Variants in GABBR2 observed in about 807,000 individuals in gnomAD.
The protein encoded by GABBR2 is G-protein coupled receptor 51.
GABBR2 carries 23 observed loss-of-function variants against 105.6 expected under a neutral mutation model. The observed-to-expected ratio is 0.22, with a 90% CI of 0.16 to 0.31. The LOEUF is 0.31. Ranked by LOEUF, GABBR2 falls within the 10% of genes least tolerant of loss-of-function variation. GABBR2 has a pLI of 1.00. For missense variants in GABBR2, 734 were observed against 1,245.5 expected (o/e 0.59, Z 6.18); for synonymous variants, 478 against 499.7 (o/e 0.96, Z 0.58).
intron 13 of GABBR2, among the ~76,000 whole-genome samples, chr9:98,314,129 G>A (rs560944780): frequency 1.3e-5 from 2 of 152,306 alleles, no homozygotes; most frequent in East Asian, 3.9e-4. Context: ...AGGCTCTGCA[G>A]TAAGAAACAC....
intron 7 of GABBR2, among the ~76,000 whole-genome samples, chr9:98,441,152 G>T (rs1826024368): frequency 6.6e-6 from 1 of 152,074 alleles, no homozygotes; most frequent in Admixed American, 6.5e-5. Flanking sequence ...CTTTTGCTGG[G>T]CTAATAACTA....
At chr9:98,544,339 C>T (rs2808523) in intron 2 of GABBR2, among the ~76,000 whole-genome samples, 61,324 of 151,970 alleles carry the variant, frequency 0.4, 13,229 homozygotes, top group East Asian at 0.65. Flanking sequence ...GGGTAGACAG[C>T]CACTCTCTAG....
intron 1 of GABBR2, among the ~76,000 whole-genome samples, chr9:98,610,811 C>T (rs1829494316): frequency 6.6e-6 from 1 of 152,122 alleles, no homozygotes; most frequent in Non-Finnish European, 1.5e-5. Context: ...TGTTTTCAGC[C>T]ACCCTGTTTG....
intron 3 of GABBR2, among the ~76,000 whole-genome samples, chr9:98,515,558 T>A (rs1255188124): frequency 2.6e-5 from 4 of 152,096 alleles, no homozygotes; most frequent in Non-Finnish European, 4.4e-5. Context: ...CTGGCTCCCT[T>A]CTTCTAGGGC....
chr9:98,595,938 A>G (rs1829228568), intron 1 of GABBR2, among the ~76,000 whole-genome samples: 1 of 152,114 alleles, frequency 6.6e-6, no homozygotes, highest in East Asian at 1.9e-4. Context: ...TTCTGCCATG[A>G]CACCTGTGTC....
At chr9:98,382,671 C>T (rs1831999909) in intron 11 of GABBR2, among the ~76,000 whole-genome samples, 1 of 152,136 alleles carries the variant, frequency 6.6e-6, no homozygotes, top group African/African-American at 2.4e-5. Flanking sequence ...GGGGAGGAAG[C>T]CTAAGCACAG....
intron 16 of GABBR2, among the ~76,000 whole-genome samples, chr9:98,301,858 T>C (rs1322096616): frequency 6.6e-6 from 1 of 152,112 alleles, no homozygotes; most frequent in Non-Finnish European, 1.5e-5. Flanking sequence ...CAGCTGATGG[T>C]GGGTTACCTC....
At chr9:98,669,700 G>A (rs1255241460) in intron 1 of GABBR2, among the ~76,000 whole-genome samples, 1 of 152,030 alleles carries the variant, frequency 6.6e-6, no homozygotes, top group Non-Finnish European at 1.5e-5. Flanking sequence ...AATACCATAA[G>A]TCTTAAGACC....
chr9:98,477,457 C>T (rs1170474949), intron 5 of GABBR2, among the ~76,000 whole-genome samples: 1 of 152,190 alleles, frequency 6.6e-6, no homozygotes, highest in Non-Finnish European at 1.5e-5. Context: ...CCAGGCTGGT[C>T]TAACTCTTGG....
intron 8 of GABBR2, among the ~76,000 whole-genome samples, chr9:98,395,183 AT>A (rs1832264603): frequency 6.6e-6 from 1 of 152,186 alleles, no homozygotes; most frequent in African/African-American, 2.4e-5. Flanking sequence ...TCCAGGTAAA[AT>A]CAGGACAACT....
intron 2 of GABBR2, among the ~76,000 whole-genome samples, chr9:98,576,609 C>T (rs971076379): frequency 3.3e-5 from 5 of 152,206 alleles, no homozygotes; most frequent in Non-Finnish European, 7.3e-5. Context: ...GATAGCTTTT[C>T]TGTGCCTCAG....
At chr9:98,297,561 C>T (rs1021553468) in intron 17 of GABBR2, among the ~76,000 whole-genome samples, 22 of 151,196 alleles carry the variant, frequency 1.5e-4, no homozygotes, top group African/African-American at 3.9e-4. Context: ...TGCAGTGAGC[C>T]GAGATCGTGC....
intron 7 of GABBR2, among the ~76,000 whole-genome samples, chr9:98,440,023 C>G (rs1019515084): frequency 4.6e-5 from 7 of 152,172 alleles, no homozygotes; most frequent in African/African-American, 1.7e-4. Context: ...AAGGTCCCAG[C>G]CTACTTCCTT....
chr9:98,301,074 T>A (rs925257291), intron 16 of GABBR2, among the ~76,000 whole-genome samples: 3 of 152,198 alleles, frequency 2.0e-5, no homozygotes, highest in Non-Finnish European at 4.4e-5. Context: ...TCTTCATTCA[T>A]GTCCTTGGTA....
At chr9:98,672,235 C>A (rs1376898258) in intron 1 of GABBR2, among the ~76,000 whole-genome samples, 1 of 152,120 alleles carries the variant, frequency 6.6e-6, no homozygotes, top group Non-Finnish European at 1.5e-5. Flanking sequence ...CCAGCCCTGG[C>A]GACCACCATT....
intron 13 of GABBR2, among the ~76,000 whole-genome samples, chr9:98,349,349 G>GTTTTTTTTTTTTTTTTTTTTTTTTTTTT (rs1182072320): frequency 8.3e-5 from 2 of 24,218 alleles, no homozygotes; most frequent in Admixed American, 7.4e-4. Context: ...TTGAAGTTTT[G>GTTTTTTTTTTTTTTTTTTTTTTTTTTTT]TTTTTTTTTT....
intron 3 of GABBR2, among the ~76,000 whole-genome samples, chr9:98,535,737 G>GA (rs1426727120): frequency 6.6e-6 from 1 of 152,086 alleles, no homozygotes; most frequent in Non-Finnish European, 1.5e-5. Flanking sequence ...AGACATGGCG[G>GA]AAAGTTAAAT....
intron 2 of GABBR2, among the ~76,000 whole-genome samples, chr9:98,545,488 T>G (rs1828380562): frequency 6.6e-6 from 1 of 152,192 alleles, no homozygotes; most frequent in Non-Finnish European, 1.5e-5. Flanking sequence ...ATCATCTAGC[T>G]CTGGGGTTCT....
intron 13 of GABBR2, among the ~76,000 whole-genome samples, chr9:98,346,687 G>GT (rs557011809): frequency 3.0e-4 from 46 of 152,234 alleles, no homozygotes; most frequent in African/African-American, 1.1e-3. Flanking sequence ...CAGTCTAGCT[G>GT]TAACTTTGTA....
Sources: allele counts gnomAD v4.1 joint callset (sites outside exome capture counted in the v4.1 genomes callset), GRCh38; gene constraint gnomAD v4.1.1; transcripts MANE v1.5; gene names NCBI Gene and HGNC (gene_info 2026-07-23, HGNC 2026-07-21).